Variants in DNAAF9 observed in about 807,000 individuals in gnomAD.
The protein encoded by DNAAF9 is dynein axonemal assembly factor 9.
Under a neutral mutation model 167.0 loss-of-function variants are expected in DNAAF9, and 90 were observed. The observed-to-expected ratio is 0.54, with a 90% CI of 0.45 to 0.64. The LOEUF (loss-of-function observed/expected upper bound fraction) is 0.64. Ranked by LOEUF, DNAAF9 falls within the 30% of genes least tolerant of loss-of-function variation. DNAAF9 has a pLI of 0.00. For synonymous variants in DNAAF9, 491 were observed against 508.8 expected, an observed-to-expected ratio of 0.96 and a Z score of 0.47; for missense variants, 1,315 against 1,442.2, an observed-to-expected ratio of 0.91 and a Z score of 1.43.
At chr20:3,350,148 G>GACAGACACACACACACAC (rs2070289582) in intron 7 of DNAAF9, among the ~76,000 whole-genome samples, 1 of 68,936 alleles carries the variant, frequency 1.5e-5, no homozygotes, top group Non-Finnish European at 3.3e-5. Context: ...CAGACACACA[G>GACAGACACACACACACAC]ACACACAGAC....
At chr20:3,284,859 TTGTGTGTGTGTATG>T (rs879837124) in intron 27 of DNAAF9, among the ~76,000 whole-genome samples, 4 of 151,972 alleles carry the variant, frequency 2.6e-5, no homozygotes, top group Non-Finnish European at 5.9e-5. Flanking sequence ...TTACTTATAT[TTGTGTGTGTGTATG>T]TGTGTGTGTG....
chr20:3,337,657 A>AT (rs1191152915), intron 10 of DNAAF9, among the ~76,000 whole-genome samples: 1 of 151,806 alleles, frequency 6.6e-6, no homozygotes, highest in African/African-American at 2.4e-5. Flanking sequence ...AAACATGGAC[A>AT]TTTTTAGTGG....
intron 10 of DNAAF9, among the ~76,000 whole-genome samples, chr20:3,336,973 G>A (rs1423111240): frequency 3.5e-5 from 5 of 141,594 alleles, no homozygotes; most frequent in South Asian, 4.8e-4. Flanking sequence ...TCCGCCTCCC[G>A]GGTTCACACC....
intron 20 of DNAAF9, among the ~76,000 whole-genome samples, chr20:3,312,814 G>A (rs1022169800): frequency 6.6e-6 from 1 of 152,060 alleles, no homozygotes; most frequent in African/African-American, 2.4e-5. Flanking sequence ...CCACAGGAAG[G>A]GGAGACTCCT....
chr20:3,362,401 T>A (rs2083375693), intron 6 of DNAAF9: 2 of 460,062 alleles, frequency 4.3e-6, no homozygotes, highest in Non-Finnish European at 7.5e-6. Context: ...TATTATTTAC[T>A]GCAGGCTAAG....
rs374068365 is a variant in DNAAF9 at position 3,293,219 on chromosome 20, G to T, written c.2238+920C>A. On this transcript the variant is annotated intron_variant, in intron 25 of 36. Transcript: ENST00000252032. ...GAGGCAGGAGAATCCCTTGAACCTG[G>T]GAGGTGGATGTTGCAGTGAGCCAAG... Among the ~76,000 whole-genome samples, 410 of 147,376 alleles carry T rather than the reference G, an allele frequency of 2.8e-3. 1 individual carries two copies. The highest frequency in any genetic ancestry group is 9.6e-3 in the African/African-American group (386 of 40,058).
chr20:3,301,736 A>G (rs79347965), intron 21 of DNAAF9, among the ~76,000 whole-genome samples: 6,721 of 152,212 alleles, frequency 0.044, 222 homozygotes, highest in African/African-American at 0.094. Flanking sequence ...ATATGATAGC[A>G]GGAGGTTGTT....
chr20:3,278,263 G>A lies in DNAAF9; in HGVS notation c.2650+649C>T, dbSNP rs371209002. 5.9e-5 allele frequency among the ~76,000 whole-genome samples: 9 copies of A among 152,202 alleles called. No homozygotes were observed. The East Asian group carries it at 1.7e-3, about 29-fold the overall frequency. On this transcript the variant is annotated intron_variant, in intron 29 of 36. Coordinates refer to ENST00000252032, the MANE Select transcript of DNAAF9 (RefSeq NM_001009984.3). ...GGGTGGGAGGTATTAAGAAAGACAGGTCCCGCTGGGCCAAACTCAGCACTC... is the reference window on the plus strand; with the variant it reads ...GGGTGGGAGGTATTAAGAAAGACAGATCCCGCTGGGCCAAACTCAGCACTC...
chr20:3,397,475 A>T (rs1169560608), intron 1 of DNAAF9, among the ~76,000 whole-genome samples: 1 of 151,938 alleles, frequency 6.6e-6, no homozygotes, highest in Non-Finnish European at 1.5e-5. Context: ...CCTGCCACTA[A>T]GCCCAGCTAA....
At chr20:3,372,444 C>T (rs1438650762) in intron 6 of DNAAF9, among the ~76,000 whole-genome samples, 1 of 152,158 alleles carries the variant, frequency 6.6e-6, no homozygotes, top group Non-Finnish European at 1.5e-5. Context: ...TGATGTGTAC[C>T]ATTTCTTCTT....
chr20:3,255,269 C>T lies in DNAAF9; in HGVS notation c.3277G>A (p.Ala1093Thr), dbSNP rs1326348092. Residue 1093 changes from alanine (A) to threonine (T), a missense_variant, in exon 35 of 37, where the codon GCC (alanine) becomes ACC (threonine). Physicochemically the swap from Ala to Thr is moderately conservative, Grantham distance 58. Coordinates refer to ENST00000252032, the MANE Select transcript of DNAAF9 (RefSeq NM_001009984.3). Reference protein sequence around the residue: ...QSAKQKPQRKALKTRGMLTQQ... With the variant: ...QSAKQKPQRKTLKTRGMLTQQ... ...GTCAGCATCCCCCTGGTCTTCAGGG[C>T]TTTCCTCTGAGGCTTCTGCAGAGAT... 3.9e-6 allele frequency: 6 copies of T among 1,550,084 alleles called. No homozygotes were observed. In the African/African-American group the frequency reaches 4.1e-5, roughly 11 times the overall value.
In DNAAF9 at chr20:3,309,920, C is replaced by T. The variant is rs1343356168; in HGVS notation, c.1678+5113G>A. On this transcript the variant is annotated intron_variant, in intron 20 of 36. Coordinates refer to ENST00000252032, the MANE Select transcript of DNAAF9 (RefSeq NM_001009984.3). ...AATCTATAAAGAATTCCTGGCTGGG[C>T]GCAGTGGCTCACGTGTAATCCCAGA... is the stretch of plus-strand genomic sequence containing the variant. 3.3e-5 allele frequency among the ~76,000 whole-genome samples: 5 copies of T among 152,178 alleles called. No homozygotes were observed. The South Asian group carries it at 6.2e-4, about 19-fold the overall frequency.
intron 25 of DNAAF9, among the ~76,000 whole-genome samples, chr20:3,292,440 T>A (rs1241293138): frequency 6.6e-6 from 1 of 152,194 alleles, no homozygotes; most frequent in Admixed American, 6.5e-5. Flanking sequence ...TAGACTTGCA[T>A]GGAAATAAAT....
At chr20:3,359,677 C>T in intron 6 of DNAAF9, 84 bp from the exon 7 acceptor site, 1 of 975,630 alleles carries the variant, frequency 1.0e-6, no homozygotes, top group Non-Finnish European at 1.6e-6. Context: ...TCAGAAATGA[C>T]TCTTTTGGTA....
chr20:3,341,323 G>A (rs2070080442), intron 9 of DNAAF9, among the ~76,000 whole-genome samples: 1 of 145,514 alleles, frequency 6.9e-6, no homozygotes, highest in South Asian at 2.2e-4. Context: ...CTTGGTCTCT[G>A]AGAAGCACTT....
At chr20:3,394,928 T>C (rs1182187530) in intron 1 of DNAAF9, among the ~76,000 whole-genome samples, 1 of 150,270 alleles carries the variant, frequency 6.7e-6, no homozygotes, top group Non-Finnish European at 1.5e-5. Flanking sequence ...TCCATGGCTT[T>C]TACTGAACAT....
At chr20:3,278,286 C>G (rs1259268899) in intron 29 of DNAAF9, among the ~76,000 whole-genome samples, 4 of 152,132 alleles carry the variant, frequency 2.6e-5, no homozygotes, top group Admixed American at 2.6e-4. Flanking sequence ...AAACTCAGCA[C>G]TCTTGGGGCA....
intron 27 of DNAAF9, among the ~76,000 whole-genome samples, chr20:3,282,369 A>G (rs2068777840): frequency 6.6e-6 from 1 of 152,156 alleles, no homozygotes; most frequent in Admixed American, 6.5e-5. Flanking sequence ...TCTTCAAAAT[A>G]TAACTAGAAG....
At chr20:3,259,199 T>C (rs1274977152) in intron 33 of DNAAF9, among the ~76,000 whole-genome samples, 4 of 152,192 alleles carry the variant, frequency 2.6e-5, no homozygotes, top group Admixed American at 2.6e-4. Context: ...TGTAAGGCTC[T>C]GAACAAGAAG....
Sources: gnomAD v4.1 joint callset for allele counts (sites outside exome capture counted in the v4.1 genomes callset) on GRCh38, gnomAD v4.1.1 for gene constraint, MANE v1.5 for transcripts, NCBI Gene and HGNC (gene_info 2026-07-23, HGNC 2026-07-21) for gene names.